VWF: variants seen among roughly 807,000 people sequenced by gnomAD.
VWF encodes Factor VIII related antigen.
A neutral mutation model predicts 308.6 loss-of-function variants in VWF; 176 were observed. The observed-to-expected ratio is 0.57, with a 90% CI of 0.50 to 0.65. The LOEUF (loss-of-function observed/expected upper bound fraction) is 0.65. VWF is among the 30% of genes least tolerant of loss of function. VWF has a pLI of 0.00. For missense variants in VWF, 3,146 were observed against 3,648.2 expected, an observed-to-expected ratio of 0.86 and a Z score of 3.55; for synonymous variants, 1,385 against 1,443.4, an observed-to-expected ratio of 0.96 and a Z score of 0.92.
At chr12:5,954,594 G>T (rs1418946075) in intron 47 of VWF, among the ~76,000 whole-genome samples, 1 of 151,786 alleles carries the variant, frequency 6.6e-6, no homozygotes, top group South Asian at 2.1e-4. Context: ...TGCTAGAATA[G>T]CTGGAAACTA....
At chr12:6,092,922 C>G (rs146236365) in intron 6 of VWF, among the ~76,000 whole-genome samples, 1 of 152,052 alleles carries the variant, frequency 6.6e-6, no homozygotes, top group Non-Finnish European at 1.5e-5. Flanking sequence ...CCTCCCATAA[C>G]CTGTTAAATA....
At chr12:5,981,731 C>T (rs1219657587) in intron 42 of VWF, 55 bp downstream of exon 42, 4 of 1,575,186 alleles carry the variant, frequency 2.5e-6, no homozygotes, top group South Asian at 1.1e-5. Flanking sequence ...AAACTGACAG[C>T]AATAAATAAA....
At chr12:5,972,876 G>A (rs1005719732) in intron 43 of VWF, among the ~76,000 whole-genome samples, 3 of 152,148 alleles carry the variant, frequency 2.0e-5, no homozygotes, top group African/African-American at 7.2e-5. Flanking sequence ...GTCTCAGGGG[G>A]TCAGAAACAA....
rs1943802841 is a variant in VWF at position 5,995,929 on chromosome 12, A to G, written c.6063+73T>C. On this transcript the variant is annotated intron_variant, in intron 35 of 51. Coordinates refer to ENST00000261405, the MANE Select transcript of VWF (RefSeq NM_000552.5). ...CTAACAAGAGCATCAACTAAAAGCAACTGCCACCAGGTCCAGGTGGTTTTC... is the reference window on the plus strand; with the variant it reads ...CTAACAAGAGCATCAACTAAAAGCAGCTGCCACCAGGTCCAGGTGGTTTTC... 6 of 1,462,968 alleles carry G rather than the reference A, an allele frequency of 4.1e-6. No homozygotes were observed. The South Asian group carries it at 6.0e-5, about 15-fold the overall frequency. 90.6% of individuals were successfully genotyped at this position (1,462,968 alleles called of 1,614,324 possible).
Position 5,985,135 on chromosome 12 carries a change from G to A in VWF, c.6902-16C>T, listed in dbSNP as rs780234819. The A allele has an allele frequency of 9.3e-6, 15 of 1,613,634 alleles. No homozygotes were observed. The highest frequency in any genetic ancestry group is 4.4e-5 in the South Asian group (4 of 91,068). Reference sequence around the variant, plus strand: ...CACGTGGGAGCTAGAGGAGAGGAACGGCCACAAAAGTCAGAGAAATTAGTG... The same window carrying A: ...CACGTGGGAGCTAGAGGAGAGGAACAGCCACAAAAGTCAGAGAAATTAGTG... On this transcript the variant is annotated splice_polypyrimidine_tract_variant and intron_variant, in intron 39 of 51. Transcript: ENST00000261405.
intron 44 of VWF, among the ~76,000 whole-genome samples, chr12:5,970,722 C>T (rs1294036282): frequency 6.6e-6 from 1 of 152,158 alleles, no homozygotes; most frequent in Non-Finnish European, 1.5e-5. Flanking sequence ...ATGGGAAAGG[C>T]TCAGGACAAG....
chr12:6,108,897 C>T (rs1001592313), intron 5 of VWF, among the ~76,000 whole-genome samples: 4 of 150,390 alleles, frequency 2.7e-5, no homozygotes, highest in Non-Finnish European at 5.9e-5. Flanking sequence ...AGGAGAATGG[C>T]GTGAACCCAG....
In VWF at chr12:6,064,370, G is replaced by A. The variant is rs748709779; in HGVS notation, c.1308C>T (p.Arg436=). ...VIETVQCADD[R]DAVCTRSVTV... ...TGACGGAGCGGGTGCACACAGCGTC[G>A]CGGTCATCAGCACACTGCCAAGAGG... Residue 436 remains arginine (R), a synonymous_variant, in exon 12 of 52, where the codon CGC becomes CGT. Coordinates refer to ENST00000261405, the MANE Select transcript of VWF (RefSeq NM_000552.5). 45 of 1,614,080 alleles carry A rather than the reference G, an allele frequency of 2.8e-5. No individual in the cohort carries two copies. The South Asian group carries it at 3.6e-4, about 13-fold the overall frequency.
At chr12:5,979,229 T>A (rs574080585) in intron 42 of VWF, among the ~76,000 whole-genome samples, 2 of 152,364 alleles carry the variant, frequency 1.3e-5, no homozygotes, top group East Asian at 3.9e-4. Flanking sequence ...TCAGGGTAAC[T>A]GAAAGCAGTT....
chr12:6,100,581 TGTCCTTTGTAGGGA>T (rs1945151770), intron 5 of VWF, among the ~76,000 whole-genome samples: 1 of 152,064 alleles, frequency 6.6e-6, no homozygotes, highest in South Asian at 2.1e-4. Context: ...GATGAGTTCA[TGTCCTTTGTAGGGA>T]CATGGATGAA....
rs1945428076 is a variant in VWF at position 6,121,265 on chromosome 12, G to C, written c.129C>G (p.Val43=). 5 of 1,614,134 alleles carry C rather than the reference G, an allele frequency of 3.1e-6. No individual in the cohort carries two copies. The African/African-American group carries it at 6.7e-5, about 22-fold the overall frequency. ...TGTACATGCTCCCATCAAAGGTGTT[G>C]ACGAAGTCACTTCCGAAAAGGCTGC... is the stretch of plus-strand genomic sequence containing the variant. The part of the protein sequence containing the change: ...ARCSLFGSDF[V]NTFDGSMYSF... The change falls in exon 3 of 52, where the codon GTC becomes GTG. Residue 43 remains valine, a synonymous_variant. Transcript: ENST00000261405.
At position 6,063,544 on chromosome 12, in the gene VWF, CATATCTT is replaced by C. The variant is rs1944679976; in HGVS notation, c.1433-497_1433-491del. ...ACACCCCTTGCCCTGGGGGAACAAA[CATATCTT>C]ATAAGGAGACACACAGCATAACACC... On this transcript the variant is annotated intron_variant, in intron 12 of 51. Coordinates refer to ENST00000261405, the MANE Select transcript of VWF (RefSeq NM_000552.5). The surrounding 1 kb of genome is among the most constrained non-coding windows in gnomAD (Gnocchi z 4.9). Among the ~76,000 whole-genome samples, 2 of 152,230 alleles carry C rather than the reference CATATCTT, an allele frequency of 1.3e-5. No individual in the cohort carries two copies. The highest frequency in any genetic ancestry group is 1.9e-4 in the East Asian group (1 of 5,176).
intron 42 of VWF, among the ~76,000 whole-genome samples, chr12:5,978,223 G>T (rs888541245): frequency 2.1e-5 from 3 of 145,880 alleles, no homozygotes; most frequent in Non-Finnish European, 4.5e-5. Context: ...CCCCAATGAG[G>T]TTTTTTTTTT....
In VWF at chr12:5,953,501, G is replaced by A. The variant is rs199968654; in HGVS notation, c.7981C>T (p.Leu2661=). ...IQLRGGQIMT[L]KRDETLQDGC... ...TGCATTCAGCTTGCTCCTACCTTCA[G>A]TGTCATGATCTGTCCTCCTCTTAGC... The change falls in exon 48 of 52, where the codon CTG becomes TTG. Residue 2661 remains leucine, a synonymous_variant. Coordinates refer to ENST00000261405, the MANE Select transcript of VWF (RefSeq NM_000552.5). The A allele has an allele frequency of 1.1e-5, 18 of 1,613,824 alleles. No homozygotes were observed. The East Asian group carries it at 1.3e-4, about 12-fold the overall frequency.
rs1943423164 is a variant in VWF at position 5,967,994 on chromosome 12, G to C, written c.7770+133C>G. 3 of 1,257,628 alleles carry C rather than the reference G, an allele frequency of 2.4e-6. No homozygotes were observed. In the Admixed American group the frequency reaches 5.5e-5, roughly 23 times the overall value. The allele number at this position is 1,257,628 out of a possible 1,614,324, so 77.9% of individuals were successfully genotyped here. ...CCATGATGCCAGGCACGTCCCACAG[G>C]CAGTGGAAAGCTGGGGTTGGGTCTC... On this transcript the variant is annotated intron_variant, in intron 46 of 51. Coordinates refer to ENST00000261405, the MANE Select transcript of VWF (RefSeq NM_000552.5).
In VWF at chr12:5,956,331, CAGA is replaced by C. The variant is rs1943249661; in HGVS notation, c.7888-2740_7888-2738del. The stretch of plus-strand genomic sequence containing the variant: ...TCGGGTAGGTCCTGCAGGAGTATTC[CAGA>C]AGAAGGCATTGTTATCACAGAAGAC... On this transcript the variant is annotated intron_variant, in intron 47 of 51. Transcript: ENST00000261405. 2.6e-5 allele frequency among the ~76,000 whole-genome samples: 4 copies of C among 152,100 alleles called. No individual in the cohort carries two copies. The South Asian group carries it at 8.3e-4, about 32-fold the overall frequency.
chr12:6,019,174 C>A lies in VWF; in HGVS notation c.4244G>T (p.Gly1415Val), dbSNP rs61750080. 2 of 1,613,918 alleles carry A rather than the reference C, an allele frequency of 1.2e-6. No homozygotes were observed. The highest frequency in any genetic ancestry group is 1.7e-6 in the Non-Finnish European group (2 of 1,179,870). Residue 1415 changes from glycine to valine, a missense_variant, in exon 28 of 52, where the codon GGC becomes GTC. Around this residue, in one of 3 missense-constraint regions of VWF, gnomAD observed 853 missense variants for 1,177.8 expected, o/e 0.72. Coordinates refer to ENST00000261405, the MANE Select transcript of VWF (RefSeq NM_000552.5). This position sits in a 1 kb window ranked among gnomAD's most constrained non-coding sequence, Gnocchi z 5.8. The part of the protein sequence containing the change: ...KKKKVIVIPV[G>V]IGPHANLKQI... ...CTTGAGGTTGGCATGGGGCCCAATG[C>A]CCACCGGGATCACAATGACCTTCTT... is the stretch of plus-strand genomic sequence containing the variant.
Position 6,062,981 on chromosome 12 carries a change from C to T in VWF, c.1506G>A (p.Trp502Ter). 1 of 1,613,302 alleles carries T rather than the reference C, an allele frequency of 6.2e-7. No homozygotes were observed. Among genetic ancestry groups the T allele is most frequent in the Non-Finnish European group, 8.5e-7 (1 of 1,180,022 alleles). Residue 502 changes from tryptophan (W) to a stop codon, truncating the protein, a stop_gained, in exon 13 of 52, where the codon TGG (tryptophan) becomes TGA (stop). Transcript: ENST00000261405. LOFTEE classifies it high-confidence loss of function. ...TCACCAGCAGCCTCCCGCGGCCATC[C>T]CAGTCCATCTGCAGGTCCTCCCCGT... ...LSYGEDLQMD[W>*]DGRGRLLVKL...
At chr12:6,010,758 C>CAT (rs1943984428) in intron 34 of VWF, among the ~76,000 whole-genome samples, 1 of 152,180 alleles carries the variant, frequency 6.6e-6, no homozygotes, top group Non-Finnish European at 1.5e-5. Flanking sequence ...GAAAGCTGAC[C>CAT]ATACCCTCCT....
Sources: allele counts gnomAD v4.1 joint callset (sites outside exome capture counted in the v4.1 genomes callset), GRCh38; gene constraint gnomAD v4.1.1; regional missense constraint gnomAD v4.1.1; non-coding constraint Gnocchi (gnomAD v3.1); transcripts MANE v1.5; gene names NCBI Gene and HGNC (gene_info 2026-07-23, HGNC 2026-07-21).